Variants in ARHGAP15 observed in about 807,000 individuals in gnomAD.
The protein encoded by ARHGAP15 is Rho GTPase activating protein 15.
ARHGAP15 carries 51 observed loss-of-function variants against 63.7 expected under a neutral mutation model. The ratio of observed to expected loss-of-function variants is 0.80; its 90% CI spans 0.64 to 1.01. The LOEUF (loss-of-function observed/expected upper bound fraction) is 1.01. Ranked by LOEUF, ARHGAP15 falls within the 50% of genes least tolerant of loss-of-function variation. The pLI, the probability that ARHGAP15 is intolerant of heterozygous loss-of-function variation, is 0.00. For missense variants in ARHGAP15, 560 were observed against 564.6 expected, an observed-to-expected ratio of 0.99 and a Z score of 0.08; for synonymous variants, 191 against 193.8, an observed-to-expected ratio of 0.99 and a Z score of 0.12.
intron 10 of ARHGAP15, 43 bp downstream of exon 10, chr2:143,519,407 C>T: frequency 6.8e-7 from 1 of 1,473,658 alleles, no homozygotes; most frequent in African/African-American, 1.4e-5. Context: ...TTACTGCACC[C>T]TCTACACAAC....
chr2:143,339,937 A>G (rs1400286428), intron 6 of ARHGAP15, among the ~76,000 whole-genome samples: 2 of 152,190 alleles, frequency 1.3e-5, no homozygotes, highest in East Asian at 3.8e-4. Flanking sequence ...CCCATAAATC[A>G]ATAAGGACCT....
At chr2:143,670,484 C>G (rs920399031) in intron 12 of ARHGAP15, among the ~76,000 whole-genome samples, 1 of 152,134 alleles carries the variant, frequency 6.6e-6, no homozygotes, top group Non-Finnish European at 1.5e-5. Flanking sequence ...TCTGCCCACC[C>G]GTGCCAATTC....
At chr2:143,496,296 C>T (rs1010557497) in intron 9 of ARHGAP15, among the ~76,000 whole-genome samples, 10 of 151,944 alleles carry the variant, frequency 6.6e-5, no homozygotes, top group Admixed American at 6.6e-4. Flanking sequence ...AGGTTAAGCC[C>T]ATGTATTTTA....
rs192154016 is a variant in ARHGAP15, at chr2:143,165,847, A to C, written c.165+10192A>C. 2.0e-5 allele frequency among the ~76,000 whole-genome samples: 3 copies of C among 152,016 alleles called. No homozygotes were observed. In the East Asian group the frequency reaches 5.8e-4, roughly 30 times the overall value. ...TTACCATGAATTATTGACAGTATTA[A>C]TGCCAATAACACATCATCAAATAGG... On this transcript the variant is annotated intron_variant, in intron 2 of 13. Coordinates refer to ENST00000295095, the MANE Select transcript of ARHGAP15 (RefSeq NM_018460.4).
At chr2:143,164,710 T>A (rs1297876177) in intron 2 of ARHGAP15, among the ~76,000 whole-genome samples, 1 of 151,982 alleles carries the variant, frequency 6.6e-6, no homozygotes, top group Non-Finnish European at 1.5e-5. Context: ...TCATTATTAT[T>A]ATTAGATTTC....
At chr2:143,330,133 C>T (rs200781140) in intron 6 of ARHGAP15, among the ~76,000 whole-genome samples, 5,762 of 37,408 alleles carry the variant, frequency 0.15, 862 homozygotes, top group Admixed American at 0.46. Flanking sequence ...AAAAAAAAAC[C>T]AAAAACAAAA....
At chr2:143,230,404 G>A (rs1021900492) in intron 5 of ARHGAP15, among the ~76,000 whole-genome samples, 6 of 152,152 alleles carry the variant, frequency 3.9e-5, no homozygotes, top group African/African-American at 1.4e-4. Context: ...GGCAAATCTT[G>A]CAAGTTAGCT....
At chr2:143,191,148 T>C (rs1366704249) in intron 2 of ARHGAP15, among the ~76,000 whole-genome samples, 1 of 152,226 alleles carries the variant, frequency 6.6e-6, no homozygotes, top group East Asian at 1.9e-4. Context: ...AAAAGGAACA[T>C]AAACCCCAAG....
chr2:143,170,891 C>T lies in ARHGAP15; in HGVS notation c.165+15236C>T, dbSNP rs147143239. On this transcript the variant is annotated intron_variant, in intron 2 of 13. Coordinates refer to ENST00000295095, the MANE Select transcript of ARHGAP15 (RefSeq NM_018460.4). ...AGATCCCCTGTTACAATGAAGACTC[C>T]GTGAAGTCAGACACTTTCTCTAACC... Among the ~76,000 whole-genome samples the T allele has an allele frequency of 3.6e-3, 540 of 152,074 alleles. 5 individuals are homozygous for T. The highest frequency in any genetic ancestry group is 0.012 in the African/African-American group (513 of 41,520).
At chr2:143,597,286 TTG>T (rs1183467364) in intron 11 of ARHGAP15, among the ~76,000 whole-genome samples, 2 of 152,250 alleles carry the variant, frequency 1.3e-5, no homozygotes, top group African/African-American at 4.8e-5. Context: ...AATATAAAAT[TTG>T]TATTTTATAA....
chr2:143,131,755 G>A (rs1472784053), intron 1 of ARHGAP15, among the ~76,000 whole-genome samples: 1 of 152,196 alleles, frequency 6.6e-6, no homozygotes, highest in Non-Finnish European at 1.5e-5. Context: ...ATTTTAATAT[G>A]TTTCCTCAGC....
At chr2:143,510,941 C>T (rs1340906335) in intron 9 of ARHGAP15, among the ~76,000 whole-genome samples, 2 of 152,252 alleles carry the variant, frequency 1.3e-5, no homozygotes, top group African/African-American at 2.4e-5. Flanking sequence ...ATGATAAAAC[C>T]GTCACATTAT....
intron 6 of ARHGAP15, among the ~76,000 whole-genome samples, chr2:143,407,151 T>G (rs1294459621): frequency 6.6e-6 from 1 of 151,980 alleles, no homozygotes; most frequent in Non-Finnish European, 1.5e-5. Flanking sequence ...ATTTCACATT[T>G]TTTATAACAT....
intron 13 of ARHGAP15, among the ~76,000 whole-genome samples, chr2:143,760,235 C>T (rs890269109): frequency 3.3e-5 from 5 of 151,994 alleles, no homozygotes; most frequent in Middle Eastern, 3.2e-3. Flanking sequence ...TAATAGAATG[C>T]GTTTATCATC....
intron 13 of ARHGAP15, among the ~76,000 whole-genome samples, chr2:143,739,184 T>A (rs1685868147): frequency 6.6e-6 from 1 of 152,088 alleles, no homozygotes; most frequent in Non-Finnish European, 1.5e-5. Context: ...CAAACAGTGA[T>A]CGCAGGTGAA....
intron 13 of ARHGAP15, among the ~76,000 whole-genome samples, chr2:143,727,974 G>A (rs1035764583): frequency 1.3e-5 from 2 of 152,182 alleles, no homozygotes; most frequent in South Asian, 2.1e-4. Context: ...TTAAAAATGT[G>A]TATCTTTTTT....
rs112632264 is a variant in ARHGAP15 at position 143,435,715 on chromosome 2, G to C, written c.573+16G>C. On this transcript the variant is annotated intron_variant, in intron 7 of 13. Transcript: ENST00000295095. ...TGACAGATTGGTATGTATTTGTTTTGGCTGTTACCTTTATTAATTAAAATG... is the reference window on the plus strand; with the variant it reads ...TGACAGATTGGTATGTATTTGTTTTCGCTGTTACCTTTATTAATTAAAATG... 1 of 1,593,086 alleles carries C rather than the reference G, an allele frequency of 6.3e-7. No individual in the cohort carries two copies. Among genetic ancestry groups the C allele is most frequent in the Non-Finnish European group, 8.5e-7 (1 of 1,172,978 alleles).
In ARHGAP15 at chr2:143,442,401, C is replaced by T. The variant is rs548298007; in HGVS notation, c.703+5359C>T. ...GAGCTAAGACTTCCCAGTAGCATTG[C>T]TTTCGATCTAGTTTCCGGTCTAGAT... On this transcript the variant is annotated intron_variant, in intron 8 of 13. Transcript: ENST00000295095. Among the ~76,000 whole-genome samples the T allele has an allele frequency of 4.6e-5, 7 of 152,212 alleles. 1 individual carries two copies. In the South Asian group the frequency reaches 1.5e-3, roughly 32 times the overall value.
chr2:143,382,696 T>C (rs1474582876), intron 6 of ARHGAP15, among the ~76,000 whole-genome samples: 1 of 152,156 alleles, frequency 6.6e-6, no homozygotes, highest in East Asian at 1.9e-4. Flanking sequence ...TCCTCACACT[T>C]GCTTCCGAAA....
Sources: allele counts gnomAD v4.1 joint callset (sites outside exome capture counted in the v4.1 genomes callset), GRCh38; gene constraint gnomAD v4.1.1; transcripts MANE v1.5; gene names NCBI Gene and HGNC (gene_info 2026-07-23, HGNC 2026-07-21).